BCKDHB: variants seen among roughly 807,000 people sequenced by gnomAD.
BCKDHB encodes 2-oxoisovalerate dehydrogenase subunit beta, mitochondrial.
BCKDHB carries 41 observed loss-of-function variants against 48.5 expected under a neutral mutation model. That is an observed-to-expected ratio of 0.85 (90% CI 0.66 to 1.10). The LOEUF (loss-of-function observed/expected upper bound fraction) is 1.10, where lower values mean the gene tolerates loss of function less well. Among genes scored for constraint, BCKDHB ranks in the 50% least tolerant of loss-of-function variants. The probability of loss-of-function intolerance (pLI) is 0.00; values close to 1 mark genes in which losing one functional copy is unlikely to be tolerated. For synonymous variants in BCKDHB, 201 were observed against 174.8 expected (o/e 1.15, Z -1.18); for missense variants, 496 against 494.2 (o/e 1.00, Z -0.03).
intron 8 of BCKDHB, among the ~76,000 whole-genome samples, chr6:80,245,803 C>T (rs532464423): frequency 3.3e-5 from 5 of 152,148 alleles, no homozygotes; most frequent in South Asian, 4.2e-4. Context: ...GGGCCGGGCA[C>T]GGTGGTTCAT....
chr6:80,155,623 T>A (rs1438336606), intron 3 of BCKDHB, among the ~76,000 whole-genome samples: 1 of 152,124 alleles, frequency 6.6e-6, no homozygotes, highest in Non-Finnish European at 1.5e-5. Flanking sequence ...TTTTTACAGA[T>A]CATTGAATTA....
At chr6:80,413,781 G>A in the BCKDHB span, among the ~76,000 whole-genome samples, 1 of 152,134 alleles carries the variant, frequency 6.6e-6, no homozygotes, top group African/African-American at 2.4e-5. Flanking sequence ...TTTCTCTATG[G>A]TAGAACAGTT....
the BCKDHB span, among the ~76,000 whole-genome samples, chr6:80,420,332 G>T: frequency 3.9e-5 from 6 of 152,224 alleles, no homozygotes; most frequent in South Asian, 1.2e-3. Flanking sequence ...ACATATTCTG[G>T]TAGACACGCA....
the BCKDHB span, among the ~76,000 whole-genome samples, chr6:80,416,044 TAC>T: frequency 6.6e-6 from 1 of 152,008 alleles, no homozygotes; most frequent in African/African-American, 2.4e-5. Context: ...TTCTAGATTT[TAC>T]AGTTTATCTG....
chr6:80,344,130 G>A lies in BCKDHB; in HGVS notation c.*326G>A. The A allele has an allele frequency of 2.8e-6, 1 of 351,686 alleles. No homozygotes were observed. The highest frequency in any genetic ancestry group is 5.5e-6 in the Non-Finnish European group (1 of 182,674). 21.8% of individuals were successfully genotyped at this position (351,686 alleles called of 1,614,324 possible). On this transcript the variant is annotated 3_prime_UTR_variant, in exon 10 of 10. Coordinates refer to ENST00000320393, the MANE Select transcript of BCKDHB (RefSeq NM_183050.4). ...AGCGATTCTCCTGCCTCAGCCTGCT[G>A]AGTAGTTGGGATTACAGGCGCCCAC...
At chr6:80,408,431 A>T in the BCKDHB span, among the ~76,000 whole-genome samples, 12 of 152,096 alleles carry the variant, frequency 7.9e-5, no homozygotes, top group Non-Finnish European at 1.3e-4. Context: ...AAGAAATGTT[A>T]CCAGCTCCTT....
the BCKDHB span, among the ~76,000 whole-genome samples, chr6:80,412,597 A>G: frequency 1.3e-5 from 2 of 152,194 alleles, no homozygotes; most frequent in Non-Finnish European, 1.5e-5. Flanking sequence ...ATTTGACTAT[A>G]TACTTACCTT....
chr6:80,372,812 G>A, the BCKDHB span, among the ~76,000 whole-genome samples: 2 of 152,204 alleles, frequency 1.3e-5, no homozygotes, highest in Admixed American at 6.5e-5. Flanking sequence ...CTTGATCATA[G>A]TGGATTCTCT....
At chr6:80,241,310 T>C (rs1407897388) in intron 8 of BCKDHB, among the ~76,000 whole-genome samples, 2 of 152,206 alleles carry the variant, frequency 1.3e-5, no homozygotes, top group African/African-American at 2.4e-5. Flanking sequence ...GGAGCTGCGA[T>C]CCTTTGAAGG....
chr6:80,237,466 C>G (rs956281577), intron 8 of BCKDHB, among the ~76,000 whole-genome samples: 1 of 151,948 alleles, frequency 6.6e-6, no homozygotes, highest in South Asian at 2.1e-4. Context: ...CCAGTGGTTG[C>G]GAAAAAATAA....
intron 9 of BCKDHB, among the ~76,000 whole-genome samples, chr6:80,281,781 AC>A (rs1778205368): frequency 6.6e-6 from 1 of 151,374 alleles, no homozygotes; most frequent in Admixed American, 6.6e-5. Flanking sequence ...TCCCCTCCAA[AC>A]CATCTAGCAG....
chr6:80,259,269 C>G (rs1777188121), intron 8 of BCKDHB, among the ~76,000 whole-genome samples: 2 of 152,342 alleles, frequency 1.3e-5, no homozygotes, highest in African/African-American at 2.4e-5. Context: ...TGCTGCTGCT[C>G]CAGGCCAGCT....
At chr6:80,109,960 T>G (rs554446381) in intron 1 of BCKDHB, among the ~76,000 whole-genome samples, 1 of 152,220 alleles carries the variant, frequency 6.6e-6, no homozygotes, top group Non-Finnish European at 1.5e-5. Context: ...ACACTACTTA[T>G]ATACTAAGAT....
the BCKDHB span, among the ~76,000 whole-genome samples, chr6:80,382,137 A>C: frequency 6.6e-6 from 1 of 152,172 alleles, no homozygotes; most frequent in African/African-American, 2.4e-5. Context: ...ATCTTTGACA[A>C]TTATGGACTC....
rs547487691 is a variant in BCKDHB at position 80,193,191 on chromosome 6, C to T, written c.743-7743C>T. 2.6e-5 allele frequency among the ~76,000 whole-genome samples: 4 copies of T among 152,128 alleles called. No individual in the cohort carries two copies. The East Asian group carries it at 7.7e-4, about 29-fold the overall frequency. On this transcript the variant is annotated intron_variant, in intron 6 of 9. Coordinates refer to ENST00000320393, the MANE Select transcript of BCKDHB (RefSeq NM_183050.4). ...ATGCAAAAGAACTGGAAATGTGAGACTTACCAGTTAATTAATTATTGAAGA... is the reference window on the plus strand; with the variant it reads ...ATGCAAAAGAACTGGAAATGTGAGATTTACCAGTTAATTAATTATTGAAGA...
chr6:80,434,800 G>A, the BCKDHB span, among the ~76,000 whole-genome samples: 1 of 152,100 alleles, frequency 6.6e-6, no homozygotes, highest in Non-Finnish European at 1.5e-5. Context: ...ATATGTTCAT[G>A]CCCAGCTCTA....
At chr6:80,430,931 T>C in the BCKDHB span, among the ~76,000 whole-genome samples, 1 of 152,182 alleles carries the variant, frequency 6.6e-6, no homozygotes, top group Admixed American at 6.5e-5. Flanking sequence ...ATTTTATATC[T>C]TTCCTGTCTT....
chr6:80,203,554 G>T (rs1194370086), intron 8 of BCKDHB, among the ~76,000 whole-genome samples: 29 of 152,092 alleles, frequency 1.9e-4, no homozygotes, highest in Admixed American at 1.9e-3. Flanking sequence ...TTATGGTTCA[G>T]TAAGCTAGGT....
At chr6:80,258,001 A>T (rs1446451654) in intron 8 of BCKDHB, among the ~76,000 whole-genome samples, 1 of 151,940 alleles carries the variant, frequency 6.6e-6, no homozygotes, top group African/African-American at 2.4e-5. Flanking sequence ...TATTATAAAA[A>T]TCTATAAATC....
Sources: gnomAD v4.1 joint callset for allele counts (sites outside exome capture counted in the v4.1 genomes callset) on GRCh38, gnomAD v4.1.1 for gene constraint, MANE v1.5 for transcripts, NCBI Gene and HGNC (gene_info 2026-07-23, HGNC 2026-07-21) for gene names.